The following NRXN3 variants were observed in gnomAD, a reference collection of about 807,000 sequenced individuals.
The protein encoded by NRXN3 is neurexin III.
Under a neutral mutation model 137.6 loss-of-function variants are expected in NRXN3, and 32 were observed. The ratio of observed to expected loss-of-function variants is 0.23; its 90% CI spans 0.18 to 0.31. NRXN3 has a LOEUF of 0.31. Among genes scored for constraint, NRXN3 ranks in the 10% least tolerant of loss-of-function variants. The pLI, the probability that NRXN3 is intolerant of heterozygous loss-of-function variation, is 1.00. For synonymous variants in NRXN3, 798 were observed against 784.5 expected (o/e 1.02, Z -0.29); for missense variants, 1,574 against 2,062.5 (o/e 0.76, Z 4.59).
At chr14:79,823,115 CA>C (rs567030583) in intron 20 of NRXN3, among the ~76,000 whole-genome samples, 2 of 151,198 alleles carry the variant, frequency 1.3e-5, no homozygotes, top group South Asian at 4.2e-4. Context: ...CAAAATAAGG[CA>C]TGTGATCTAC....
chr14:79,574,858 G>A (rs886724270), intron 16 of NRXN3, among the ~76,000 whole-genome samples: 4 of 152,082 alleles, frequency 2.6e-5, no homozygotes, highest in Admixed American at 2.6e-4. Context: ...GACTCAATGA[G>A]ATTAGATAAC....
At chr14:79,559,240 G>A (rs2097463448) in intron 16 of NRXN3, among the ~76,000 whole-genome samples, 2 of 152,088 alleles carry the variant, frequency 1.3e-5, no homozygotes, top group African/African-American at 4.8e-5. Context: ...CTCAGTGCTT[G>A]GCTTAGCTTT....
intron 10 of NRXN3, among the ~76,000 whole-genome samples, chr14:78,869,139 T>A (rs145140957): frequency 6.6e-6 from 1 of 152,174 alleles, no homozygotes; most frequent in Non-Finnish European, 1.5e-5. Flanking sequence ...AAGGGACATT[T>A]GAACATCAAA....
chr14:78,610,200 T>A (rs1200622954), intron 4 of NRXN3, among the ~76,000 whole-genome samples: 1 of 152,216 alleles, frequency 6.6e-6, no homozygotes, highest in Non-Finnish European at 1.5e-5. Context: ...TGACAGCCCA[T>A]GCAACTAGCA....
chr14:78,301,354 C>G (rs1004901676), intron 4 of NRXN3, among the ~76,000 whole-genome samples: 3 of 152,144 alleles, frequency 2.0e-5, no homozygotes, highest in Admixed American at 6.6e-5. Flanking sequence ...ACAAAGCCAG[C>G]CTTTTGCCAG....
chr14:79,738,929 C>G (rs371694752), intron 19 of NRXN3, among the ~76,000 whole-genome samples: 4 of 152,258 alleles, frequency 2.6e-5, no homozygotes, highest in South Asian at 4.1e-4. Flanking sequence ...TAATACAATA[C>G]TTGTGCCAAC....
intron 19 of NRXN3, among the ~76,000 whole-genome samples, chr14:79,729,371 C>A (rs187389853): frequency 3.2e-4 from 49 of 152,232 alleles, no homozygotes; most frequent in Middle Eastern, 3.4e-3. Context: ...AGCATGCCTG[C>A]TTATATCCTA....
intron 4 of NRXN3, among the ~76,000 whole-genome samples, chr14:78,303,561 G>A (rs2153533946): frequency 6.6e-6 from 1 of 152,200 alleles, no homozygotes; most frequent in East Asian, 1.9e-4. Flanking sequence ...GATTCTTCTT[G>A]TATAATTGTC....
intron 10 of NRXN3, among the ~76,000 whole-genome samples, chr14:78,834,379 T>G (rs570990273): frequency 6.6e-6 from 1 of 152,270 alleles, no homozygotes; most frequent in South Asian, 2.1e-4. Context: ...ATCCCTTTCC[T>G]GAATACTGGT....
chr14:78,525,674 G>A (rs976898182), intron 4 of NRXN3, among the ~76,000 whole-genome samples: 1 of 152,108 alleles, frequency 6.6e-6, no homozygotes, highest in Non-Finnish European at 1.5e-5. Flanking sequence ...AAATACCCCT[G>A]AGATGGGTGT....
At chr14:78,228,972 A>G (rs966019757) in intron 1 of NRXN3, among the ~76,000 whole-genome samples, 5 of 152,228 alleles carry the variant, frequency 3.3e-5, no homozygotes, top group African/African-American at 1.2e-4. Context: ...GGAAATGAGT[A>G]AAAAGGAAAA....
intron 10 of NRXN3, among the ~76,000 whole-genome samples, chr14:78,874,457 C>A (rs1166443539): frequency 6.6e-6 from 1 of 152,158 alleles, no homozygotes; most frequent in Non-Finnish European, 1.5e-5. Context: ...GGAAAATTTT[C>A]AACCCTTTTC....
At chr14:79,013,832 G>A (rs2099574979) in intron 15 of NRXN3, among the ~76,000 whole-genome samples, 1 of 152,148 alleles carries the variant, frequency 6.6e-6, no homozygotes, top group African/African-American at 2.4e-5. Context: ...ATTCATTTAT[G>A]AGTTTGTTCA....
At chr14:79,401,224 G>A (rs941824077) in intron 15 of NRXN3, among the ~76,000 whole-genome samples, 15 of 152,182 alleles carry the variant, frequency 9.9e-5, no homozygotes, top group Non-Finnish European at 8.8e-5. Flanking sequence ...AGGCAGGAAT[G>A]ATCTAGGCTC....
At chr14:79,767,358 C>CTATT (rs1163342988) in intron 19 of NRXN3, among the ~76,000 whole-genome samples, 1 of 152,176 alleles carries the variant, frequency 6.6e-6, no homozygotes, top group African/African-American at 2.4e-5. Flanking sequence ...CCACTCTTGC[C>CTATT]TATTAATGTT....
intron 4 of NRXN3, among the ~76,000 whole-genome samples, chr14:78,633,672 A>G (rs766865058): frequency 1.3e-5 from 2 of 152,220 alleles, no homozygotes; most frequent in Non-Finnish European, 2.9e-5. Context: ...GACATAGCCC[A>G]GGTTTCTAGG....
At chr14:79,539,754 T>G (rs2153732088) in intron 16 of NRXN3, among the ~76,000 whole-genome samples, 1 of 152,272 alleles carries the variant, frequency 6.6e-6, no homozygotes. Flanking sequence ...AATAAATAAC[T>G]TTCTCTTTTA....
intron 15 of NRXN3, among the ~76,000 whole-genome samples, chr14:79,168,226 C>T (rs2061456491): frequency 3.3e-5 from 5 of 151,988 alleles, no homozygotes; most frequent in African/African-American, 1.2e-4. Context: ...GGGGATAATA[C>T]AGGATGGAAT....
At chr14:79,336,896 A>G (rs945574768) in intron 15 of NRXN3, among the ~76,000 whole-genome samples, 1 of 152,196 alleles carries the variant, frequency 6.6e-6, no homozygotes, top group African/African-American at 2.4e-5. Flanking sequence ...TACTATTGAT[A>G]AAATACACCC....
Sources: allele counts gnomAD v4.1 joint callset (sites outside exome capture counted in the v4.1 genomes callset), GRCh38; gene constraint gnomAD v4.1.1; transcripts MANE v1.5; gene names NCBI Gene and HGNC (gene_info 2026-07-23, HGNC 2026-07-21).